The following MFSD11 variants were observed in gnomAD, a reference collection of about 807,000 sequenced individuals.
MFSD11 encodes the protein major facilitator superfamily domain containing 11.
A neutral mutation model predicts 53.5 loss-of-function variants in MFSD11; 36 were observed. That is an observed-to-expected ratio of 0.67 (90% CI 0.52 to 0.89). The LOEUF is 0.89. Ranked by LOEUF, MFSD11 falls within the 40% of genes least tolerant of loss-of-function variation. MFSD11 has a pLI of 0.00. For synonymous variants in MFSD11, 186 were observed against 184.9 expected (o/e 1.01, Z -0.05); for missense variants, 530 against 543.9 (o/e 0.97, Z 0.25).
chr17:76,794,727 C>A, the MFSD11 span, among the ~76,000 whole-genome samples: 1 of 111,198 alleles, frequency 9.0e-6, no homozygotes, highest in South Asian at 3.3e-4. Context: ...GAGTGTCACT[C>A]TGTCACTCAG....
chr17:76,796,811 CA>C, the MFSD11 span, among the ~76,000 whole-genome samples: 2,611 of 114,272 alleles, frequency 0.023, 121 homozygotes, highest in African/African-American at 0.082. Flanking sequence ...CTAAAAATAC[CA>C]AAAAAAAAAA....
At chr17:76,799,918 T>A in the MFSD11 span, among the ~76,000 whole-genome samples, 1 of 151,788 alleles carries the variant, frequency 6.6e-6, no homozygotes, top group East Asian at 1.9e-4. Context: ...CAGCCACTCC[T>A]ATAGCCTTTT....
chr17:76,741,148 A>G (rs1404142229), intron 3 of MFSD11, 84 bp downstream of exon 3: 2 of 916,594 alleles, frequency 2.2e-6, no homozygotes, highest in Non-Finnish European at 3.6e-6. Flanking sequence ...AATAATTTAT[A>G]GACTTGGACT....
chr17:76,778,759 G>T lies in MFSD11; in HGVS notation c.*407G>T. ...ATGTTTTGCCATGTAATAATGGGAA[G>T]CATATGTCATTCCCCATATGTGTTG... On this transcript the variant is annotated 3_prime_UTR_variant, in exon 13 of 13. Coordinates refer to ENST00000685175, the MANE Select transcript of MFSD11 (RefSeq NM_001242532.5). The T allele has an allele frequency of 6.1e-6, 1 of 163,834 alleles. No individual in the cohort carries two copies. Among genetic ancestry groups the T allele is most frequent in the East Asian group, 1.7e-4 (1 of 5,998 alleles). 10.1% of individuals were successfully genotyped at this position (163,834 alleles called of 1,614,324 possible).
At chr17:76,783,662 G>C (rs996918499), downstream of MFSD11, among the ~76,000 whole-genome samples, 1 of 152,078 alleles carries the variant, frequency 6.6e-6, no homozygotes, top group Non-Finnish European at 1.5e-5. Flanking sequence ...AGGTACAAGC[G>C]GTTCTCCTGC....
chr17:76,764,495 C>G (rs748454749), intron 8 of MFSD11, among the ~76,000 whole-genome samples: 26 of 152,220 alleles, frequency 1.7e-4, no homozygotes, highest in Non-Finnish European at 2.8e-4. Context: ...TAAGTAAGAT[C>G]ATGCAGTATT....
chr17:76,768,139 C>T (rs931926792), intron 9 of MFSD11, among the ~76,000 whole-genome samples: 2 of 151,906 alleles, frequency 1.3e-5, no homozygotes, highest in Admixed American at 1.3e-4. Flanking sequence ...CCCATCTCTA[C>T]TAAAAATACA....
Position 76,738,373 on chromosome 17 carries a change from G to T in MFSD11, c.21G>T (p.Lys7Asn). 1 of 1,614,074 alleles carries T rather than the reference G, an allele frequency of 6.2e-7. No homozygotes were observed. ...CCAAAATGTCCCCGGAATCTAAAAA[G>T]CTTTTCAACATCATTATTTTAGGAG... MSPESK[K>N]LFNIIILGVA... The change falls in exon 1 of 13, where the codon AAG becomes AAT. Residue 7 changes from lysine (K) to asparagine (N), a missense_variant. Lys to Asn is a moderately conservative substitution (Grantham distance 94). Transcript: ENST00000685175.
the MFSD11 span, among the ~76,000 whole-genome samples, chr17:76,795,192 T>C: frequency 1.3e-5 from 2 of 151,466 alleles, no homozygotes; most frequent in African/African-American, 4.8e-5. Context: ...TTGTAAGTAA[T>C]CTAGAATTGT....
chr17:76,782,278 C>A (rs565991521), downstream of MFSD11, among the ~76,000 whole-genome samples: 1 of 151,878 alleles, frequency 6.6e-6, no homozygotes, highest in Admixed American at 6.6e-5. Context: ...TGGGTTCAAG[C>A]GATTCTCCTG....
At chr17:76,797,462 G>A in the MFSD11 span, among the ~76,000 whole-genome samples, 2 of 152,170 alleles carry the variant, frequency 1.3e-5, no homozygotes, top group African/African-American at 2.4e-5. Flanking sequence ...ATGCTAATAT[G>A]TTATACTTAG....
At chr17:76,743,733 C>T (rs969528003) in intron 6 of MFSD11, among the ~76,000 whole-genome samples, 1 of 152,158 alleles carries the variant, frequency 6.6e-6, no homozygotes, top group Non-Finnish European at 1.5e-5. Flanking sequence ...TCTCCTGCTT[C>T]AGCCTCCCAA....
rs2078032099 is a variant in MFSD11 at position 76,741,035 on chromosome 17, C to CT, written c.232dup (p.Ser78PhefsTer52). On this transcript the variant is annotated frameshift_variant, in exon 3 of 13. Transcript: ENST00000685175. LOFTEE classifies it high-confidence loss of function. ...TGGTTGCCATTGTAGGACCTCAACT[C>CT]TCTATGTTTGCCAGTGGTTTATTTT... 6.2e-7 allele frequency: 1 copy of CT among 1,610,976 alleles called. No homozygotes were observed. The highest frequency in any genetic ancestry group is 1.3e-5 in the African/African-American group (1 of 74,614).
rs1427231397 is a variant in MFSD11 at position 76,741,850 on chromosome 17, G to A, written c.261-119G>A. The A allele has an allele frequency of 3.4e-6, 5 of 1,484,428 alleles. No homozygotes were observed. The South Asian group carries it at 3.8e-5, about 11-fold the overall frequency. The allele number at this position is 1,484,428 out of a possible 1,614,324, so 92.0% of individuals were successfully genotyped here. ...GTGTCCCTTTTTTCAAAACTGGAGC[G>A]ATCCTTTACAGGTTGAGTTTTAAAA... On this transcript the variant is annotated intron_variant, in intron 3 of 12. Coordinates refer to ENST00000685175, the MANE Select transcript of MFSD11 (RefSeq NM_001242532.5).
the MFSD11 span, chr17:76,799,008 CAA>C: frequency 1.2e-5 from 1 of 84,970 alleles, no homozygotes; most frequent in African/African-American, 4.7e-5. Context: ...GCCTAGGCAA[CAA>C]GAGTGAAACT....
At chr17:76,800,525 C>T in the MFSD11 span, among the ~76,000 whole-genome samples, 3 of 152,184 alleles carry the variant, frequency 2.0e-5, no homozygotes, top group South Asian at 4.1e-4. Flanking sequence ...ATAGCCAACT[C>T]GCAATGGATT....
Position 76,775,108 on chromosome 17 carries a change from T to C in MFSD11, c.986T>C (p.Met329Thr). The C allele has an allele frequency of 6.2e-7, 1 of 1,614,110 alleles. No homozygotes were observed. The highest frequency in any genetic ancestry group is 2.2e-5 in the East Asian group (1 of 44,890). The change falls in exon 11 of 13, where the codon ATG becomes ACG. Residue 329 changes from methionine (M) to threonine (T), a missense_variant. Transcript: ENST00000685175. Reference sequence around the variant, plus strand: ...GCTTTTTATCTAATATTTCTCAACATGCCTGGAGATGCCCCGATTGCTCCT... The same window carrying C: ...GCTTTTTATCTAATATTTCTCAACACGCCTGGAGATGCCCCGATTGCTCCT... ...FIAFYLIFLNMPGDAPIAPVK... is the reference protein window; with the variant it reads ...FIAFYLIFLNTPGDAPIAPVK...
chr17:76,736,747 G>GGCCTCCCGCGCGCCCCGCCCC, upstream of MFSD11: 2 of 1,392,998 alleles, frequency 1.4e-6, no homozygotes, highest in Non-Finnish European at 1.9e-6. Flanking sequence ...AGGTCGCCCG[G>GGCCTCCCGCGCGCCCCGCCCC]GCCTCCCGCG....
downstream of MFSD11, among the ~76,000 whole-genome samples, chr17:76,784,379 CA>C (rs1313369157): frequency 2.6e-5 from 4 of 151,726 alleles, no homozygotes; most frequent in Non-Finnish European, 4.4e-5. Flanking sequence ...ACTAAAAGTA[CA>C]AAAATTAGCT....
Sources: allele counts gnomAD v4.1 joint callset (sites outside exome capture counted in the v4.1 genomes callset), GRCh38; gene constraint gnomAD v4.1.1; transcripts MANE v1.5; gene names NCBI Gene and HGNC (gene_info 2026-07-23, HGNC 2026-07-21).